NCOA1: variants seen among roughly 807,000 people sequenced by gnomAD.
The protein encoded by NCOA1 is nuclear receptor coactivator 1.
In NCOA1, 35 loss-of-function variants were observed where a neutral mutation model predicts 150.9. That is an observed-to-expected ratio of 0.23 (90% CI 0.18 to 0.31). The LOEUF is 0.31. Among genes scored for constraint, NCOA1 ranks in the 10% least tolerant of loss-of-function variants. The pLI is 1.00. For synonymous variants in NCOA1, 590 were observed against 630.0 expected (o/e 0.94, Z 0.95); for missense variants, 1,491 against 1,749.3 (o/e 0.85, Z 2.63).
At chr2:24,673,565 A>G (rs1019581584) in intron 7 of NCOA1, 102 bp downstream of exon 7, 16 of 650,964 alleles carry the variant, frequency 2.5e-5, no homozygotes, top group Non-Finnish European at 1.0e-5. Context: ...AAATTATAAA[A>G]CAAAGTAAAG....
At chr2:24,504,962 C>G (rs867149027) in intron 1 of NCOA1, among the ~76,000 whole-genome samples, 1 of 151,966 alleles carries the variant, frequency 6.6e-6, no homozygotes, top group Middle Eastern at 3.2e-3. Context: ...CCTGTTTTCT[C>G]CATTTTTTGT....
rs778113060 is a variant in NCOA1, at chr2:24,707,123, C to T, written c.1653C>T (p.Ser551=). The change falls in exon 13 of 23, where the codon TCC becomes TCT. Residue 551 remains serine (S), a synonymous_variant. Coordinates refer to ENST00000348332, the MANE Select transcript of NCOA1 (RefSeq NM_003743.5). ...GTATGAATGAAGGACCCAATAACTCCGTTGGCTTCTCTGCCAGTTCTCCAG... is the reference window on the plus strand; with the variant it reads ...GTATGAATGAAGGACCCAATAACTCTGTTGGCTTCTCTGCCAGTTCTCCAG... The part of the protein sequence containing the change: ...LQGMNEGPNN[S]VGFSASSPVL... 3.9e-5 allele frequency: 63 copies of T among 1,614,040 alleles called. No homozygotes were observed. The highest frequency in any genetic ancestry group is 5.1e-5 in the Non-Finnish European group (60 of 1,180,038).
At chr2:24,697,862 T>C in intron 11 of NCOA1, 64 bp downstream of exon 11, 1 of 1,437,852 alleles carries the variant, frequency 7.0e-7, no homozygotes, top group South Asian at 1.3e-5. Context: ...GAATAGTTCG[T>C]ATAGAACTTA....
At chr2:24,629,791 A>G (rs1669604387) in intron 3 of NCOA1, among the ~76,000 whole-genome samples, 1 of 140,628 alleles carries the variant, frequency 7.1e-6, no homozygotes, top group African/African-American at 2.6e-5. Context: ...ATCATGTGCC[A>G]GACACTGTTT....
chr2:24,496,624 G>A (rs536294013), intron 1 of NCOA1, among the ~76,000 whole-genome samples: 2 of 151,880 alleles, frequency 1.3e-5, no homozygotes, highest in Non-Finnish European at 2.9e-5. Context: ...TGTGTTGATT[G>A]GTTTTCCTAA....
intron 1 of NCOA1, among the ~76,000 whole-genome samples, chr2:24,553,111 A>G (rs907579909): frequency 6.6e-6 from 1 of 152,164 alleles, no homozygotes; most frequent in Non-Finnish European, 1.5e-5. Flanking sequence ...GTGATTATGT[A>G]TAATGTTAGC....
At chr2:24,579,748 T>A (rs1667125787) in intron 2 of NCOA1, among the ~76,000 whole-genome samples, 1 of 152,194 alleles carries the variant, frequency 6.6e-6, no homozygotes, top group South Asian at 2.1e-4. Flanking sequence ...AGAGGCGTCC[T>A]GGTAAACACC....
rs552122113 is a variant in NCOA1 at position 24,704,722 on chromosome 2, G to A, written c.950-364G>A. Among the ~76,000 whole-genome samples, 17 of 151,950 alleles carry A rather than the reference G, an allele frequency of 1.1e-4. No individual in the cohort carries two copies. The South Asian group carries it at 2.9e-3, about 26-fold the overall frequency. On this transcript the variant is annotated intron_variant, in intron 11 of 22. Coordinates refer to ENST00000348332, the MANE Select transcript of NCOA1 (RefSeq NM_003743.5). ...CCAGAGGCAGAGGTTGCAGTGAGCC[G>A]AGATCGTGCCACTGCACTCTAGCCT...
chr2:24,646,925 C>CT lies in NCOA1; in HGVS notation c.-18+2807dup, dbSNP rs778683724. On this transcript the variant is annotated intron_variant, in intron 4 of 22. Transcript: ENST00000348332. ...AAAATTAGGGTTTGCAAAAGCAGAA[C>CT]TTTTGATTTTGATTGAACAGTGCAT... is the stretch of plus-strand genomic sequence containing the variant. 3.7e-4 allele frequency among the ~76,000 whole-genome samples: 57 copies of CT among 152,032 alleles called. No individual in the cohort carries two copies. In the Middle Eastern group the frequency reaches 0.01, roughly 27 times the overall value.
At chr2:24,744,718 G>T (rs912786099) in intron 19 of NCOA1, among the ~76,000 whole-genome samples, 4 of 152,186 alleles carry the variant, frequency 2.6e-5, no homozygotes, top group Non-Finnish European at 5.9e-5. Context: ...CATGTTTCCA[G>T]GTTTGACAAA....
chr2:24,534,954 G>T (rs1295875463), intron 1 of NCOA1, among the ~76,000 whole-genome samples: 3 of 152,166 alleles, frequency 2.0e-5, no homozygotes, highest in Admixed American at 6.5e-5. Flanking sequence ...TTCTGTAGAT[G>T]TCTATTAGTT....
chr2:24,617,229 A>T (rs1234154491), intron 3 of NCOA1, among the ~76,000 whole-genome samples: 1 of 152,038 alleles, frequency 6.6e-6, no homozygotes, highest in African/African-American at 2.4e-5. Context: ...TTCATGCCTA[A>T]TTGGGGTTTA....
intron 2 of NCOA1, among the ~76,000 whole-genome samples, chr2:24,573,070 CTT>C (rs1666806029): frequency 6.6e-6 from 1 of 152,020 alleles, no homozygotes; most frequent in African/African-American, 2.4e-5. Flanking sequence ...CTCAATTTAA[CTT>C]TTGTTATCAG....
chr2:24,713,245 T>A (rs1673850128), intron 14 of NCOA1, among the ~76,000 whole-genome samples: 2 of 151,604 alleles, frequency 1.3e-5, no homozygotes, highest in East Asian at 3.9e-4. Context: ...AATAATTAAT[T>A]AATTAATTAA....
chr2:24,756,071 TAAAAAAAAAAA>T (rs369987098), intron 20 of NCOA1, among the ~76,000 whole-genome samples: 37 of 108,186 alleles, frequency 3.4e-4, no homozygotes, highest in East Asian at 5.5e-4. Flanking sequence ...CCATCTCTAC[TAAAAAAAAAAA>T]AAAAAAAAAA....
chr2:24,557,965 C>G (rs1666139302), intron 1 of NCOA1, among the ~76,000 whole-genome samples: 2 of 150,634 alleles, frequency 1.3e-5, no homozygotes, highest in Admixed American at 1.3e-4. Context: ...TGAAGGGTTC[C>G]TTGGAATTTT....
At chr2:24,668,992 A>C (rs1671565170) in intron 6 of NCOA1, among the ~76,000 whole-genome samples, 1 of 152,200 alleles carries the variant, frequency 6.6e-6, no homozygotes, top group African/African-American at 2.4e-5. Flanking sequence ...GACCCTAGTG[A>C]CATATATATT....
intron 3 of NCOA1, among the ~76,000 whole-genome samples, chr2:24,622,171 A>C (rs1669197921): frequency 6.6e-6 from 1 of 152,238 alleles, no homozygotes; most frequent in South Asian, 2.1e-4. Flanking sequence ...GACCTAAATA[A>C]GAACTGTTGT....
chr2:24,642,318 AATATAT>A (rs138241448), intron 3 of NCOA1, among the ~76,000 whole-genome samples: 2 of 146,780 alleles, frequency 1.4e-5, no homozygotes, highest in Admixed American at 6.8e-5. Flanking sequence ...TATGTATATA[AATATAT>A]ATATATATAT....
Sources: allele counts gnomAD v4.1 joint callset (sites outside exome capture counted in the v4.1 genomes callset), GRCh38; gene constraint gnomAD v4.1.1; transcripts MANE v1.5; gene names NCBI Gene and HGNC (gene_info 2026-07-23, HGNC 2026-07-21).